LARGE1: variants seen among roughly 807,000 people sequenced by gnomAD.
The protein encoded by LARGE1 is xylosyl- and glucuronyltransferase LARGE1.
Under a neutral mutation model 87.6 loss-of-function variants are expected in LARGE1, and 43 were observed. The observed-to-expected ratio is 0.49, with a 90% CI of 0.38 to 0.63. The LOEUF (loss-of-function observed/expected upper bound fraction) is 0.63, where lower values mean the gene tolerates loss of function less well. Ranked by LOEUF, LARGE1 falls within the 30% of genes least tolerant of loss-of-function variation. LARGE1 has a pLI of 0.00. For missense variants in LARGE1, 802 were observed against 1,000.2 expected (o/e 0.80, Z 2.67); for synonymous variants, 434 against 394.6 (o/e 1.10, Z -1.18).
At chr22:33,117,333 AAC>A in the LARGE1 span, among the ~76,000 whole-genome samples, 3 of 152,184 alleles carry the variant, frequency 2.0e-5, no homozygotes, top group African/African-American at 7.2e-5. Flanking sequence ...TTGAGTTGCT[AAC>A]ACAGTCTGCT....
At chr22:33,917,787 T>A (rs953830836) in intron 1 of LARGE1, among the ~76,000 whole-genome samples, 4 of 152,114 alleles carry the variant, frequency 2.6e-5, no homozygotes, top group Non-Finnish European at 4.4e-5. Context: ...GCCCATCCCT[T>A]AGGCACTCAG....
chr22:33,268,676 CT>C (rs1167880136), downstream of LARGE1, among the ~76,000 whole-genome samples: 1 of 152,156 alleles, frequency 6.6e-6, no homozygotes, highest in Non-Finnish European at 1.5e-5. Flanking sequence ...ATCTGCCTGC[CT>C]CGGCCTCCCA....
At chr22:33,228,275 C>G (rs886091871) in intron 11 of LARGE1, among the ~76,000 whole-genome samples, 1 of 152,240 alleles carries the variant, frequency 6.6e-6, no homozygotes, top group Admixed American at 6.5e-5. Context: ...AGCAGTGACA[C>G]AGATAAATGC....
chr22:33,286,976 A>G (rs1931664412), intron 12 of LARGE1, among the ~76,000 whole-genome samples: 1 of 151,614 alleles, frequency 6.6e-6, no homozygotes, highest in Non-Finnish European at 1.5e-5. Flanking sequence ...TAGACACTTG[A>G]CCCAGGCTGA....
intron 1 of LARGE1, among the ~76,000 whole-genome samples, chr22:33,918,852 C>T (rs1285704968): frequency 6.6e-6 from 1 of 152,234 alleles, no homozygotes; most frequent in South Asian, 2.1e-4. Context: ...GGGAGGCGGA[C>T]GCCCCCACCT....
At chr22:33,606,060 G>A (rs527972169) in intron 4 of LARGE1, among the ~76,000 whole-genome samples, 14 of 152,272 alleles carry the variant, frequency 9.2e-5, no homozygotes, top group Non-Finnish European at 1.8e-4. Context: ...GGGCTTAGTA[G>A]GGCTCCAGGG....
At chr22:33,671,172 G>A (rs908241686) in intron 2 of LARGE1, among the ~76,000 whole-genome samples, 6 of 152,100 alleles carry the variant, frequency 3.9e-5, no homozygotes, top group Non-Finnish European at 8.8e-5. Flanking sequence ...CTGAGGCCAG[G>A]GGGAGCTAAA....
chr22:33,642,766 A>G (rs2080483421), intron 3 of LARGE1, among the ~76,000 whole-genome samples: 1 of 150,722 alleles, frequency 6.6e-6, no homozygotes, highest in South Asian at 2.1e-4. Context: ...TCTCTGATAA[A>G]ACACACTTTA....
intron 9 of LARGE1, among the ~76,000 whole-genome samples, chr22:33,342,051 T>C (rs8141790): frequency 7.0e-4 from 106 of 152,314 alleles, no homozygotes; most frequent in Middle Eastern, 3.4e-3. Context: ...CAATATGTGC[T>C]TTTCTTCTTG....
chr22:33,710,576 A>G (rs1419511495), intron 2 of LARGE1, among the ~76,000 whole-genome samples: 1 of 152,228 alleles, frequency 6.6e-6, no homozygotes, highest in African/African-American at 2.4e-5. Context: ...GGACCACAAA[A>G]GGTTCTTTTA....
intron 4 of LARGE1, among the ~76,000 whole-genome samples, chr22:33,617,953 T>C (rs1276401236): frequency 6.6e-6 from 1 of 152,240 alleles, no homozygotes; most frequent in Non-Finnish European, 1.5e-5. Flanking sequence ...TTGTCAGGAA[T>C]GTGCCACAGT....
chr22:33,846,346 A>G (rs894137958), intron 1 of LARGE1, among the ~76,000 whole-genome samples: 2 of 152,224 alleles, frequency 1.3e-5, no homozygotes, highest in Non-Finnish European at 2.9e-5. Flanking sequence ...CACTTCCCCA[A>G]TCAATACCCT....
chr22:33,424,982 G>A (rs1242045270), intron 7 of LARGE1, among the ~76,000 whole-genome samples: 1 of 152,130 alleles, frequency 6.6e-6, no homozygotes, highest in Non-Finnish European at 1.5e-5. Flanking sequence ...AGAGACACAA[G>A]GCTGGGCGCG....
In LARGE1 at chr22:33,744,622, G is replaced by A. The variant is rs964375809; in HGVS notation, c.106+16749C>T. Among the ~76,000 whole-genome samples, 7 of 152,338 alleles carry A rather than the reference G, an allele frequency of 4.6e-5. 1 individual carries two copies. The highest frequency in any genetic ancestry group is 6.8e-3 in the Middle Eastern group (2 of 294). ...AGGGCCCTATTAGGTTTTATGTACT[G>A]TGTTCTCATTGCACCGGGGACACAC... On this transcript the variant is annotated intron_variant, in intron 2 of 14. Coordinates refer to ENST00000397394, the MANE Select transcript of LARGE1 (RefSeq NM_133642.5).
intron 7 of LARGE1, among the ~76,000 whole-genome samples, chr22:33,422,654 T>A (rs540168273): frequency 5.3e-5 from 8 of 152,064 alleles, no homozygotes; most frequent in African/African-American, 1.9e-4. Context: ...GGATCACAGG[T>A]GCATGCCACC....
chr22:33,837,730 C>A (rs930881725), intron 1 of LARGE1, among the ~76,000 whole-genome samples: 1 of 152,184 alleles, frequency 6.6e-6, no homozygotes, highest in South Asian at 2.1e-4. Context: ...TGGCCAGAGC[C>A]GGCTCTCAAT....
intron 1 of LARGE1, among the ~76,000 whole-genome samples, chr22:33,850,814 G>A (rs1388202560): frequency 3.9e-5 from 6 of 152,038 alleles, no homozygotes; most frequent in Admixed American, 3.9e-4. Context: ...GAGTTTTGCT[G>A]GCTCCCCATT....
chr22:33,892,786 A>C lies in LARGE1; in HGVS notation c.-83+27209T>G, dbSNP rs115921333. On this transcript the variant is annotated intron_variant, in intron 1 of 14. Transcript: ENST00000397394. ...CTACACTCCACTGTACTTCAGCGGA[A>C]GAGGCAGCATTTCAAAAATGTGTAT... Among the ~76,000 whole-genome samples the C allele has an allele frequency of 3.4e-3, 524 of 152,368 alleles. 3 individuals carry two copies. The highest frequency in any genetic ancestry group is 0.012 in the African/African-American group (510 of 41,586).
At chr22:33,639,695 G>A (rs566502716) in intron 3 of LARGE1, among the ~76,000 whole-genome samples, 9 of 152,114 alleles carry the variant, frequency 5.9e-5, no homozygotes, top group South Asian at 2.1e-4. Flanking sequence ...TTTTTCTTCC[G>A]TACAATAGCT....
Sources: gnomAD v4.1 joint callset for allele counts (sites outside exome capture counted in the v4.1 genomes callset) on GRCh38, gnomAD v4.1.1 for gene constraint, MANE v1.5 for transcripts, NCBI Gene and HGNC (gene_info 2026-07-23, HGNC 2026-07-21) for gene names.